Variants in NREP observed in about 807,000 individuals in gnomAD.
NREP encodes the protein neuronal regeneration-related protein.
In NREP, 5 loss-of-function variants were observed where a neutral mutation model predicts 8.6. That is an observed-to-expected ratio of 0.58 (90% CI 0.30 to 1.22). The LOEUF is 1.22. NREP is among the 50% of genes most tolerant of loss of function. The pLI is 0.07. For missense variants in NREP, 86 were observed against 82.5 expected, an observed-to-expected ratio of 1.04 and a Z score of -0.17; for synonymous variants, 27 against 28.0, an observed-to-expected ratio of 0.96 and a Z score of 0.11.
Position 111,730,935 on chromosome 5 carries a change from G to C in NREP, c.193C>G (p.Leu65Val). The change falls in exon 4 of 4, where the codon CTC (leucine) becomes GTC (valine). Residue 65 changes from leucine to valine, a missense_variant. Coordinates refer to ENST00000257435, the MANE Select transcript of NREP (RefSeq NM_004772.4). ...AGGTGTTACGATTAAAAAAAGTGGA[G>C]GTAACTGATTCTTGGGGAGCGGAGT... is the stretch of plus-strand genomic sequence containing the variant. ...SELRSPRISY[L>V]HFF 6.2e-7 allele frequency: 1 copy of C among 1,613,904 alleles called. No homozygotes were observed. The highest frequency in any genetic ancestry group is 1.7e-5 in the Admixed American group (1 of 60,018).
intron 2 of NREP, among the ~76,000 whole-genome samples, chr5:111,925,170 G>A (rs1196630462): frequency 6.6e-6 from 1 of 152,066 alleles, no homozygotes; most frequent in Admixed American, 6.5e-5. Flanking sequence ...CAGGGCTCCT[G>A]GGCGTAACGG....
chr5:111,783,117 G>A (rs1751533282), intron 2 of NREP, among the ~76,000 whole-genome samples: 1 of 152,106 alleles, frequency 6.6e-6, no homozygotes, highest in Non-Finnish European at 1.5e-5. Flanking sequence ...GTATCAGAAA[G>A]AAGCAACCCT....
At chr5:111,747,860 T>A (rs1469878571) in intron 2 of NREP, among the ~76,000 whole-genome samples, 2 of 152,162 alleles carry the variant, frequency 1.3e-5, no homozygotes. Flanking sequence ...TAGATTATCA[T>A]AACACTTTCA....
At chr5:111,787,763 T>A (rs1751645541) in intron 2 of NREP, among the ~76,000 whole-genome samples, 1 of 152,222 alleles carries the variant, frequency 6.6e-6, no homozygotes, top group South Asian at 2.1e-4. Context: ...TACTTATTGA[T>A]CTGATATTGG....
chr5:111,796,623 C>T (rs141668842), intron 2 of NREP, among the ~76,000 whole-genome samples: 10 of 152,236 alleles, frequency 6.6e-5, no homozygotes, highest in African/African-American at 2.4e-4. Flanking sequence ...TGAAAAAATG[C>T]CTGCTTGAAG....
At chr5:111,975,173 A>G in intron 2 of NREP, 1 of 771,238 alleles carries the variant, frequency 1.3e-6, no homozygotes, top group Non-Finnish European at 2.2e-6. Context: ...AATGGTGGGA[A>G]TGACTGCACC....
chr5:111,947,184 T>C (rs1238149304), intron 2 of NREP, among the ~76,000 whole-genome samples: 1 of 152,056 alleles, frequency 6.6e-6, no homozygotes, highest in Non-Finnish European at 1.5e-5. Context: ...CAATATCTCA[T>C]AGTTGTCTGT....
chr5:111,780,666 A>C (rs764946213), intron 2 of NREP, among the ~76,000 whole-genome samples: 4 of 152,204 alleles, frequency 2.6e-5, no homozygotes, highest in Admixed American at 6.5e-5. Flanking sequence ...TAGGGAAATA[A>C]TATGAAGCAC....
In NREP at chr5:111,805,018, C is replaced by CAACAAT. The variant is rs543381184; in HGVS notation, c.136-69512_136-69511insATTGTT. On this transcript the variant is annotated intron_variant, in intron 2 of 3. Transcript: ENST00000395634. ...TCCGTCTCAACAACAACAACAACAA[C>CAACAAT]AAAACGAAAAGAAACTATTGGAAAA... Among the ~76,000 whole-genome samples the CAACAAT allele has an allele frequency of 6.6e-3, 1,010 of 151,926 alleles. 13 individuals are homozygous for CAACAAT. Among genetic ancestry groups the CAACAAT allele is most frequent in the African/African-American group, 0.023 (969 of 41,450 alleles).
At chr5:111,965,574 T>G (rs1040506361) in intron 2 of NREP, among the ~76,000 whole-genome samples, 1 of 152,098 alleles carries the variant, frequency 6.6e-6, no homozygotes, top group Admixed American at 6.6e-5. Context: ...CCCATTTCCC[T>G]CTGTCTATAT....
chr5:111,934,477 C>G (rs1038136488), intron 2 of NREP, among the ~76,000 whole-genome samples: 3 of 152,054 alleles, frequency 2.0e-5, no homozygotes, highest in African/African-American at 7.2e-5. Context: ...ATTAAAATAA[C>G]TCATTTTCTT....
chr5:111,750,871 C>T (rs1424642692), intron 2 of NREP, among the ~76,000 whole-genome samples: 2 of 152,166 alleles, frequency 1.3e-5, no homozygotes, highest in Non-Finnish European at 2.9e-5. Context: ...GAAAGGTTAG[C>T]CATTGCAAGT....
chr5:111,760,749 G>C (rs78994825), upstream of NREP, among the ~76,000 whole-genome samples: 18,448 of 152,136 alleles, frequency 0.12, 2,437 homozygotes, highest in African/African-American at 0.33. Context: ...ATGACATCCA[G>C]ATGGTATAAG....
At chr5:111,758,346 C>T (rs915641451), upstream of NREP, 4 of 750,762 alleles carry the variant, frequency 5.3e-6, no homozygotes, top group Non-Finnish European at 6.5e-6. Context: ...ACTGCCTGCC[C>T]GTCTGAAATT....
intron 2 of NREP, among the ~76,000 whole-genome samples, chr5:111,834,302 G>A (rs1322375379): frequency 2.0e-5 from 3 of 152,122 alleles, no homozygotes; most frequent in African/African-American, 7.2e-5. Flanking sequence ...GCTACCCTAT[G>A]GCAACTAGGG....
intron 2 of NREP, among the ~76,000 whole-genome samples, chr5:111,787,898 G>C (rs999312017): frequency 6.6e-6 from 1 of 152,096 alleles, no homozygotes; most frequent in African/African-American, 2.4e-5. Context: ...AGGAGTTTGA[G>C]ACCAGCCTAG....
At chr5:111,906,805 A>G (rs1265328649) in intron 2 of NREP, among the ~76,000 whole-genome samples, 1 of 152,026 alleles carries the variant, frequency 6.6e-6, no homozygotes, top group Non-Finnish European at 1.5e-5. Context: ...TTGGCATCTA[A>G]GTATCTTCTT....
intron 2 of NREP, among the ~76,000 whole-genome samples, chr5:111,915,938 CCACGAT>C (rs1049087686): frequency 1.3e-5 from 2 of 152,010 alleles, no homozygotes; most frequent in African/African-American, 4.8e-5. Context: ...TCACTATCAT[CCACGAT>C]CACCTTGTTG....
intron 2 of NREP, among the ~76,000 whole-genome samples, 189 bp from the exon 3 acceptor site, chr5:111,735,696 G>A (rs761696820): frequency 1.3e-5 from 2 of 152,230 alleles, no homozygotes; most frequent in Non-Finnish European, 2.9e-5. Context: ...GCACTCAGGA[G>A]AGTTTCAGCT....
Sources: gnomAD v4.1 joint callset for allele counts (sites outside exome capture counted in the v4.1 genomes callset) on GRCh38, gnomAD v4.1.1 for gene constraint, MANE v1.5 for transcripts, NCBI Gene and HGNC (gene_info 2026-07-23, HGNC 2026-07-21) for gene names.